The following SYT14 variants were observed in gnomAD, a reference collection of about 807,000 sequenced individuals.
SYT14 encodes the protein synaptotagmin-14.
A neutral mutation model predicts 74.2 loss-of-function variants in SYT14; 32 were observed. That is an observed-to-expected ratio of 0.43 (90% CI 0.33 to 0.58). The LOEUF (loss-of-function observed/expected upper bound fraction) is 0.58. Among genes scored for constraint, SYT14 ranks in the 20% least tolerant of loss-of-function variants. The pLI is 0.05. For synonymous variants in SYT14, 298 were observed against 337.7 expected (o/e 0.88, Z 1.29); for missense variants, 791 against 981.8 (o/e 0.81, Z 2.60).
At chr1:210,016,845 A>G in exon 4 of SYT14, 2 of 1,231,840 alleles carry the variant, frequency 1.6e-6, no homozygotes, top group Non-Finnish European at 2.0e-6. Flanking sequence ...TCAGGAAATG[A>G]ATGTTCTTTA....
intron 2 of SYT14, among the ~76,000 whole-genome samples, chr1:209,981,729 T>A (rs111344018): frequency 2.6e-5 from 4 of 152,128 alleles, no homozygotes; most frequent in African/African-American, 9.7e-5. Flanking sequence ...GTGTTGGGAT[T>A]ATAGATGTGA....
At chr1:210,038,491 A>C (rs1253505246) in intron 5 of SYT14, among the ~76,000 whole-genome samples, 1 of 151,972 alleles carries the variant, frequency 6.6e-6, no homozygotes, top group African/African-American at 2.4e-5. Flanking sequence ...TTGCAGTCTT[A>C]TTTGTCTAAT....
At chr1:210,142,651 A>G (rs558512215) in intron 7 of SYT14, among the ~76,000 whole-genome samples, 6 of 152,264 alleles carry the variant, frequency 3.9e-5, no homozygotes, top group Non-Finnish European at 5.9e-5. Context: ...AAAAAGATAC[A>G]AGGCCAAAAG....
intron 1 of SYT14, among the ~76,000 whole-genome samples, chr1:209,949,848 GTGGGTACT>G (rs1161612065): frequency 6.6e-6 from 1 of 152,122 alleles, no homozygotes; most frequent in Non-Finnish European, 1.5e-5. Flanking sequence ...TTTGACTTTT[GTGGGTACT>G]TGGACAAATT....
intron 1 of SYT14, among the ~76,000 whole-genome samples, chr1:209,941,003 T>C (rs1283671897): frequency 6.6e-6 from 1 of 152,204 alleles, no homozygotes; most frequent in African/African-American, 2.4e-5. Flanking sequence ...CAGTCTCTTT[T>C]AGCTTGACTA....
chr1:209,965,860 G>C (rs555764250), intron 2 of SYT14: 1 of 445,928 alleles, frequency 2.2e-6, no homozygotes, highest in East Asian at 7.0e-5. Flanking sequence ...TATATTTATC[G>C]GTTTATTTTT....
intron 4 of SYT14, among the ~76,000 whole-genome samples, chr1:210,018,453 G>A (rs1439724507): frequency 1.3e-5 from 2 of 152,008 alleles, no homozygotes; most frequent in African/African-American, 4.8e-5. Flanking sequence ...TTTTTTGATT[G>A]TCAGATTTAG....
At chr1:210,047,502 A>G (rs61826848) in intron 5 of SYT14, among the ~76,000 whole-genome samples, 34,368 of 151,992 alleles carry the variant, frequency 0.23, 4,165 homozygotes, top group Middle Eastern at 0.29. Context: ...GGTTCAAATG[A>G]TTCTCCTGCC....
chr1:210,065,929 A>G (rs979259712), intron 5 of SYT14, among the ~76,000 whole-genome samples: 9 of 134,100 alleles, frequency 6.7e-5, no homozygotes, highest in African/African-American at 2.0e-4. Flanking sequence ...TCCTGTGTCC[A>G]TGTGTTCTCA....
At chr1:210,009,111 GTCTGGCA>G in intron 2 of SYT14, among the ~76,000 whole-genome samples, 1 of 152,318 alleles carries the variant, frequency 6.6e-6, no homozygotes, top group Admixed American at 6.5e-5. Context: ...AGCTGCATAT[GTCTGGCA>G]GGCCATGAGT....
chr1:210,155,674 T>C, intron 7 of SYT14, 47 bp from the exon 7 acceptor site: 29 of 1,594,198 alleles, frequency 1.8e-5, no homozygotes, highest in Non-Finnish European at 2.5e-5. Flanking sequence ...TATCTCTTAA[T>C]ATATCTCTCT....
At chr1:210,146,979 A>G (rs1359790341) in intron 7 of SYT14, among the ~76,000 whole-genome samples, 5 of 152,202 alleles carry the variant, frequency 3.3e-5, no homozygotes, top group Admixed American at 2.6e-4. Flanking sequence ...CCCACAGAAA[A>G]AAATAATTTC....
intron 7 of SYT14, among the ~76,000 whole-genome samples, chr1:210,128,070 A>G (rs961366308): frequency 1.3e-5 from 2 of 148,902 alleles, no homozygotes; most frequent in Middle Eastern, 3.8e-3. Flanking sequence ...ACTATTAATT[A>G]TTTTCAAGGT....
At chr1:210,065,900 C>T (rs915932924) in intron 5 of SYT14, among the ~76,000 whole-genome samples, 11 of 150,770 alleles carry the variant, frequency 7.3e-5, no homozygotes, top group Non-Finnish European at 1.3e-4. Flanking sequence ...CAACAGTCCC[C>T]GGTGTGTGAT....
intron 2 of SYT14, among the ~76,000 whole-genome samples, chr1:210,005,186 T>G (rs2079967990): frequency 6.6e-6 from 1 of 152,016 alleles, no homozygotes; most frequent in Admixed American, 6.6e-5. Context: ...TCAGGCTTAG[T>G]AGGGGAAAGA....
At chr1:210,020,691 G>A (rs545720990) in intron 4 of SYT14, among the ~76,000 whole-genome samples, 9 of 151,982 alleles carry the variant, frequency 5.9e-5, no homozygotes, top group East Asian at 3.9e-4. Flanking sequence ...ATGTAAATTG[G>A]TATTATAATT....
chr1:210,102,509 A>C (rs915725286), intron 7 of SYT14, among the ~76,000 whole-genome samples: 1 of 152,116 alleles, frequency 6.6e-6, no homozygotes, highest in Non-Finnish European at 1.5e-5. Context: ...TATATATTCT[A>C]TATATACTAT....
chr1:210,051,387 CTT>C (rs1246033630), intron 5 of SYT14, among the ~76,000 whole-genome samples: 1 of 152,154 alleles, frequency 6.6e-6, no homozygotes, highest in Non-Finnish European at 1.5e-5. Context: ...TCACTTCACA[CTT>C]TTTATTTCAT....
At chr1:209,983,043 G>GTTT (rs377692836) in intron 2 of SYT14, among the ~76,000 whole-genome samples, 1 of 143,864 alleles carries the variant, frequency 7.0e-6, no homozygotes. Context: ...TCATCAGGCT[G>GTTT]TTTTTTTTTT....
Sources: allele counts gnomAD v4.1 joint callset (sites outside exome capture counted in the v4.1 genomes callset), GRCh38; gene constraint gnomAD v4.1.1; transcripts MANE v1.5; gene names NCBI Gene and HGNC (gene_info 2026-07-23, HGNC 2026-07-21).